Variants in ESPN observed in about 807,000 individuals in gnomAD.
ESPN encodes autosomal recessive deafness type 36 protein.
ESPN carries 68 observed loss-of-function variants against 77.7 expected under a neutral mutation model. The observed-to-expected ratio is 0.87, with a 90% CI of 0.72 to 1.07. ESPN has a LOEUF of 1.07. ESPN is among the 50% of genes least tolerant of loss of function. ESPN has a pLI of 0.00. For synonymous variants in ESPN, 449 were observed against 567.1 expected (o/e 0.79, Z 2.96); for missense variants, 1,060 against 1,239.0 (o/e 0.86, Z 2.17).
At chr1:6,454,411 C>T (rs1234622035) in intron 10 of ESPN, 2 of 398,812 alleles carry the variant, frequency 5.0e-6, no homozygotes, top group Middle Eastern at 6.2e-4. Flanking sequence ...CCTCCCTCCC[C>T]TCTCTTGTCT....
At chr1:6,454,371 A>T in intron 10 of ESPN, 2 of 398,710 alleles carry the variant, frequency 5.0e-6, no homozygotes, top group Non-Finnish European at 8.9e-6. Context: ...TCCCGGCGCC[A>T]CGGCGGGAGC....
intron 12 of ESPN, 49 bp downstream of exon 12, chr1:6,457,421 C>T (rs368736126): frequency 9.1e-5 from 147 of 1,613,694 alleles, no homozygotes; most frequent in Non-Finnish European, 1.1e-4. Flanking sequence ...CCACCCAAGT[C>T]GCAGAGGGTC....
chr1:6,441,091 G>T (rs777334951), intron 5 of ESPN, 26 bp downstream of exon 5: 35 of 1,605,366 alleles, frequency 2.2e-5, no homozygotes, highest in African/African-American at 2.7e-5. Context: ...TGCTCCTGTC[G>T]CATTCTTTCT....
intron 5 of ESPN, among the ~76,000 whole-genome samples, chr1:6,441,701 G>C (rs1370653861): frequency 6.6e-6 from 1 of 152,264 alleles, no homozygotes. Flanking sequence ...TGCCTGCTAT[G>C]AGGCAATAGG....
chr1:6,461,107 C>T (rs1644157004), downstream of ESPN: 1 of 564,462 alleles, frequency 1.8e-6, no homozygotes, highest in African/African-American at 1.9e-5. The surrounding 1 kb of genome is among the most constrained non-coding windows in gnomAD (Gnocchi z 6.3). Context: ...GAGAAAAGTC[C>T]AGTCCACTTA....
At chr1:6,425,884 C>A (rs1643016233) in intron 1 of ESPN, among the ~76,000 whole-genome samples, 1 of 152,228 alleles carries the variant, frequency 6.6e-6, no homozygotes, top group South Asian at 2.1e-4. Flanking sequence ...AAGCAGGTAG[C>A]CAGGCAGCGG....
In ESPN at chr1:6,425,151, C is replaced by A. The variant is rs553906395; in HGVS notation, c.196C>A (p.Arg66Ser). The A allele has an allele frequency of 4.0e-6, 6 of 1,513,448 alleles. No homozygotes were observed. The highest frequency in any genetic ancestry group is 2.1e-5 in the Admixed American group (1 of 48,360). 93.8% of individuals were successfully genotyped at this position (1,513,448 alleles called of 1,614,324 possible). ...VEEAALPAAA[R>S]ARNGATPAHD... ...GGAAGCCGCCCTCCCCGCCGCGGCC[C>A]GCGCCCGCAACGGCGCCACACCGGC... The change falls in exon 1 of 13, where the codon CGC becomes AGC. Residue 66 changes from arginine (R) to serine (S), a missense_variant. By Grantham distance (110) the Arg-to-Ser change is moderately radical. Around this residue, in one of 3 missense-constraint regions of ESPN, gnomAD observed 556 missense variants for 633.6 expected, o/e 0.88. Coordinates refer to ENST00000645284, the MANE Select transcript of ESPN (RefSeq NM_031475.3).
intron 10 of ESPN, among the ~76,000 whole-genome samples, chr1:6,453,854 C>T (rs1338442165): frequency 2.0e-5 from 3 of 152,104 alleles, no homozygotes; most frequent in African/African-American, 4.8e-5. Context: ...GAGAATATTA[C>T]GGTGCCCAGC....
At chr1:6,441,681 T>C (rs1643640815) in intron 5 of ESPN, among the ~76,000 whole-genome samples, 1 of 152,254 alleles carries the variant, frequency 6.6e-6, no homozygotes, top group Admixed American at 6.5e-5. Context: ...CTCTGCACCA[T>C]CTGGTACAAT....
rs1197447813 is a variant in ESPN, at chr1:6,448,673, G to A, written c.1497G>A (p.Arg499=). ...LSSCDGHDGL[R]RQDSSRKPRA... is the part of the protein sequence containing the mutation. ...CCTGTGACGGCCACGACGGGCTGCGGAGGCAGGACTCCAGCCGCAAGCCCC... is the reference window on the plus strand; with the variant it reads ...CCTGTGACGGCCACGACGGGCTGCGAAGGCAGGACTCCAGCCGCAAGCCCC... Residue 499 remains arginine, a synonymous_variant, in exon 8 of 13, where the codon CGG becomes CGA. Coordinates refer to ENST00000645284, the MANE Select transcript of ESPN (RefSeq NM_031475.3). 2.6e-6 allele frequency: 4 copies of A among 1,558,234 alleles called. No individual in the cohort carries two copies. The highest frequency in any genetic ancestry group is 3.6e-5 in the Admixed American group (2 of 55,294).
chr1:6,457,331 C>A, intron 11 of ESPN, 30 bp from the exon 12 acceptor site: 1 of 1,614,202 alleles, frequency 6.2e-7, no homozygotes, highest in East Asian at 2.2e-5. Context: ...GGTGGAGGTA[C>A]CAAGTGACAC....
chr1:6,460,280 C>G lies in ESPN; in HGVS notation c.*134C>G, dbSNP rs1644135765. The G allele has an allele frequency of 8.7e-7, 1 of 1,143,842 alleles. No individual in the cohort carries two copies. The highest frequency in any genetic ancestry group is 1.2e-6 in the Non-Finnish European group (1 of 817,456). 70.9% of individuals were successfully genotyped at this position (1,143,842 alleles called of 1,614,324 possible). On this transcript the variant is annotated 3_prime_UTR_variant, in exon 13 of 13. Coordinates refer to ENST00000645284, the MANE Select transcript of ESPN (RefSeq NM_031475.3). ...CTGCGCTGGAAACCCTCCCTGACCC[C>G]CACCCTGGCCCCCCGTATCCCCAGC...
rs1303952797 is a variant in ESPN, at chr1:6,445,909, G to C, written c.1438G>C (p.Val480Leu). 3 of 1,612,416 alleles carry C rather than the reference G, an allele frequency of 1.9e-6. No individual in the cohort carries two copies. The highest frequency in any genetic ancestry group is 1.7e-5 in the Admixed American group (1 of 59,918). Residue 480 changes from valine (V) to leucine (L), a missense_variant, in exon 7 of 13, where the codon GTG (valine) becomes CTG (leucine). Coordinates refer to ENST00000645284, the MANE Select transcript of ESPN (RefSeq NM_031475.3). ...YMQTKNKLRH[V>L]ETEALKKELS... ...GCAGACCAAGAACAAACTCCGCCAC[G>C]TGGAGACAGAGGCCCTCAAGAAGGA...
chr1:6,427,012 C>T lies in ESPN; in HGVS notation c.295-1214C>T, dbSNP rs966269390. Among the ~76,000 whole-genome samples, 5 of 152,100 alleles carry T rather than the reference C, an allele frequency of 3.3e-5. No individual in the cohort carries two copies. The highest frequency in any genetic ancestry group is 1.2e-4 in the African/African-American group (5 of 41,418). On this transcript the variant is annotated intron_variant, in intron 1 of 12. Transcript: ENST00000645284. This position sits in a 1 kb window ranked among gnomAD's most constrained non-coding sequence, Gnocchi z 4.6. Reference sequence around the variant, plus strand: ...ACCCTACTAGTGGCCCCGGCGCCCCCAGCTCCCTCCGTGCCCTCTTTTCCT... The same window carrying T: ...ACCCTACTAGTGGCCCCGGCGCCCCTAGCTCCCTCCGTGCCCTCTTTTCCT...
chr1:6,446,118 A>T (rs1162167691), intron 7 of ESPN, among the ~76,000 whole-genome samples, 183 bp downstream of exon 7: 2 of 152,058 alleles, frequency 1.3e-5, no homozygotes, highest in African/African-American at 4.8e-5. Flanking sequence ...CTGGACTGGG[A>T]GGAGAGTAAG....
Position 6,451,353 on chromosome 1 carries a change from G to T in ESPN, c.1916-250G>T. The T allele has an allele frequency of 1.7e-6, 1 of 576,004 alleles. No individual in the cohort carries two copies. Among genetic ancestry groups the T allele is most frequent in the South Asian group, 2.0e-5 (1 of 50,532 alleles). The allele number at this position is 576,004 out of a possible 1,614,324, so 35.7% of individuals were successfully genotyped here. On this transcript the variant is annotated intron_variant, in intron 8 of 12. Transcript: ENST00000645284. This position sits in a 1 kb window ranked among gnomAD's most constrained non-coding sequence, Gnocchi z 4.3. ...ACCATGAACTCCCAGGGGCCTCCAGGCAGGGGCCCTCCATCCCGTGAGTAG... is the reference window on the plus strand; with the variant it reads ...ACCATGAACTCCCAGGGGCCTCCAGTCAGGGGCCCTCCATCCCGTGAGTAG...
At position 6,444,763 on chromosome 1, in the gene ESPN, G is replaced by A. The variant is rs6664393; in HGVS notation, c.1192+81G>A. The A allele has an allele frequency of 0.049, 74,258 of 1,515,868 alleles. 2,705 individuals are homozygous for A. Among genetic ancestry groups the A allele is most frequent in the African/African-American group, 0.17 (12,294 of 72,528 alleles). 93.9% of individuals were successfully genotyped at this position (1,515,868 alleles called of 1,614,324 possible). A position where few individuals can be genotyped will look rare whatever the true frequency, so the allele number is the denominator to read the frequency against. ...GGGCTGTGAGGATTGGCCTTGGGCCGCCCTGCCACAGCCAATATCGGACAC... is the reference window on the plus strand; with the variant it reads ...GGGCTGTGAGGATTGGCCTTGGGCCACCCTGCCACAGCCAATATCGGACAC... On this transcript the variant is annotated intron_variant, in intron 6 of 12. Coordinates refer to ENST00000645284, the MANE Select transcript of ESPN (RefSeq NM_031475.3).
intron 10 of ESPN, among the ~76,000 whole-genome samples, 171 bp downstream of exon 10, chr1:6,452,267 C>T (rs1378807112): frequency 3.3e-5 from 5 of 151,536 alleles, no homozygotes; most frequent in Non-Finnish European, 4.4e-5. Flanking sequence ...TGCAGTGGTG[C>T]GATCTCGACT....
intron 2 of ESPN, among the ~76,000 whole-genome samples, chr1:6,436,018 C>T (rs892075333): frequency 2.6e-5 from 4 of 152,198 alleles, no homozygotes; most frequent in Admixed American, 2.0e-4. Flanking sequence ...ATAGCGAAGC[C>T]GGGGCCCTCC....
Sources: allele counts gnomAD v4.1 joint callset (sites outside exome capture counted in the v4.1 genomes callset), GRCh38; gene constraint gnomAD v4.1.1; regional missense constraint gnomAD v4.1.1; non-coding constraint Gnocchi (gnomAD v3.1); transcripts MANE v1.5; gene names NCBI Gene and HGNC (gene_info 2026-07-23, HGNC 2026-07-21).